UBE2E2: variants seen among roughly 807,000 people sequenced by gnomAD.
The protein encoded by UBE2E2 is ubiquitin conjugating enzyme E2 E2, also known as ubiquitin-conjugating enzyme E2 E2.
In UBE2E2, 6 loss-of-function variants were observed where a neutral mutation model predicts 24.7. That is an observed-to-expected ratio of 0.24 (90% CI 0.13 to 0.48). The LOEUF (loss-of-function observed/expected upper bound fraction) is 0.48. Among genes scored for constraint, UBE2E2 ranks in the 20% least tolerant of loss-of-function variants. The pLI, the probability that UBE2E2 is intolerant of heterozygous loss-of-function variation, is 0.99. For synonymous variants in UBE2E2, 104 were observed against 83.6 expected (o/e 1.24, Z -1.33); for missense variants, 169 against 245.0 (o/e 0.69, Z 2.07).
chr3:23,262,213 C>A (rs1697919915), intron 3 of UBE2E2, among the ~76,000 whole-genome samples: 2 of 152,136 alleles, frequency 1.3e-5, no homozygotes, highest in African/African-American at 4.8e-5. Context: ...TAATGTTGAA[C>A]ATTTTTTTCA....
chr3:23,217,153 C>T (rs566732475), intron 2 of UBE2E2, 109 bp from the exon 3 acceptor site: 2 of 1,064,802 alleles, frequency 1.9e-6, no homozygotes, highest in African/African-American at 1.6e-5. Context: ...ATTAGTATTT[C>T]AAACTAATAT....
chr3:23,403,696 C>T (rs895361234), intron 3 of UBE2E2, among the ~76,000 whole-genome samples: 5 of 151,644 alleles, frequency 3.3e-5, no homozygotes, highest in South Asian at 2.1e-4. Context: ...TGGTGGTGCA[C>T]GCCTGTAGTT....
intron 3 of UBE2E2, among the ~76,000 whole-genome samples, chr3:23,413,920 T>C (rs1697558300): frequency 6.6e-6 from 1 of 152,200 alleles, no homozygotes; most frequent in Admixed American, 6.5e-5. Flanking sequence ...TGCATATATT[T>C]ATCGTTATTA....
intron 3 of UBE2E2, among the ~76,000 whole-genome samples, chr3:23,333,696 ATAG>A (rs1482363440): frequency 2.0e-5 from 3 of 152,286 alleles, no homozygotes; most frequent in East Asian, 3.9e-4. Flanking sequence ...ATTGTTAGTA[ATAG>A]TAGGAGCAGT....
chr3:23,359,580 A>G (rs953131239), intron 3 of UBE2E2, among the ~76,000 whole-genome samples: 4 of 152,204 alleles, frequency 2.6e-5, no homozygotes, highest in South Asian at 2.1e-4. Context: ...TCTTTGATCT[A>G]TTAAAAAAAA....
chr3:23,563,042 T>G (rs1321785576), intron 5 of UBE2E2, among the ~76,000 whole-genome samples: 2 of 152,194 alleles, frequency 1.3e-5, no homozygotes, highest in African/African-American at 4.8e-5. Context: ...ATTGATTTTT[T>G]GAAGGGTTTT....
chr3:23,391,066 A>G (rs1489703050), intron 3 of UBE2E2, among the ~76,000 whole-genome samples: 1 of 152,186 alleles, frequency 6.6e-6, no homozygotes, highest in Non-Finnish European at 1.5e-5. Context: ...GAAACATTTA[A>G]TCCTTAAAAT....
At chr3:23,524,722 A>G (rs561985306) in intron 4 of UBE2E2, among the ~76,000 whole-genome samples, 3 of 152,334 alleles carry the variant, frequency 2.0e-5, no homozygotes, top group Middle Eastern at 6.8e-3. Context: ...TTTAGTCAAC[A>G]TAAAGAATGT....
chr3:23,422,931 A>G (rs1575619280), intron 3 of UBE2E2, among the ~76,000 whole-genome samples: 1 of 152,190 alleles, frequency 6.6e-6, no homozygotes, highest in African/African-American at 2.4e-5. Flanking sequence ...GCTCTTCTCC[A>G]TATCTTCACC....
chr3:23,514,854 T>C (rs1694693694), intron 4 of UBE2E2, among the ~76,000 whole-genome samples: 1 of 152,230 alleles, frequency 6.6e-6, no homozygotes, highest in Admixed American at 6.5e-5. Flanking sequence ...AGTATACTAA[T>C]GAAAAATAAG....
intron 3 of UBE2E2, among the ~76,000 whole-genome samples, chr3:23,492,329 T>C (rs1699517038): frequency 6.6e-6 from 1 of 152,208 alleles, no homozygotes; most frequent in African/African-American, 2.4e-5. Context: ...TAAGCAAGGA[T>C]TGCTAAAGCT....
intron 5 of UBE2E2, among the ~76,000 whole-genome samples, chr3:23,556,065 T>C (rs1695774392): frequency 6.6e-6 from 1 of 151,948 alleles, no homozygotes; most frequent in Non-Finnish European, 1.5e-5. Context: ...GGTATGTTAA[T>C]TTGTTTCACT....
intron 5 of UBE2E2, among the ~76,000 whole-genome samples, chr3:23,565,573 C>T (rs1260959610): frequency 2.7e-5 from 4 of 149,772 alleles, no homozygotes; most frequent in East Asian, 2.0e-4. Context: ...AATCAAAGAC[C>T]TGCTTAGGGA....
intron 3 of UBE2E2, among the ~76,000 whole-genome samples, chr3:23,473,126 A>G (rs1014296491): frequency 8.5e-5 from 13 of 152,082 alleles, no homozygotes; most frequent in Non-Finnish European, 1.9e-4. Context: ...GGAAGAAGAC[A>G]GGGTCTTTAA....
chr3:23,503,882 T>C (rs1694367097), intron 4 of UBE2E2, among the ~76,000 whole-genome samples: 1 of 152,064 alleles, frequency 6.6e-6, no homozygotes. Flanking sequence ...GTAAAATTAC[T>C]CCTCAAAGTG....
intron 3 of UBE2E2, among the ~76,000 whole-genome samples, chr3:23,381,540 C>T (rs752615376): frequency 1.3e-5 from 2 of 152,168 alleles, no homozygotes; most frequent in Non-Finnish European, 2.9e-5. Flanking sequence ...TGTAAGAGCT[C>T]CGCATTATTA....
At chr3:23,535,161 A>G (rs907509113) in intron 5 of UBE2E2, among the ~76,000 whole-genome samples, 3 of 152,210 alleles carry the variant, frequency 2.0e-5, no homozygotes, top group Non-Finnish European at 4.4e-5. Context: ...TTAACTTTCC[A>G]CAGGCTTAGT....
chr3:23,558,872 G>A (rs930954878), intron 5 of UBE2E2, among the ~76,000 whole-genome samples: 4 of 152,092 alleles, frequency 2.6e-5, no homozygotes, highest in African/African-American at 7.2e-5. Context: ...ACCAACCTGG[G>A]CAACATAGCA....
At chr3:23,456,107 A>T (rs1157829116) in intron 3 of UBE2E2, among the ~76,000 whole-genome samples, 4 of 152,234 alleles carry the variant, frequency 2.6e-5, no homozygotes, top group African/African-American at 4.8e-5. Flanking sequence ...TTAAGTAATC[A>T]CTTTCTTTGC....
Sources: gnomAD v4.1 joint callset for allele counts (sites outside exome capture counted in the v4.1 genomes callset) on GRCh38, gnomAD v4.1.1 for gene constraint, MANE v1.5 for transcripts, NCBI Gene and HGNC (gene_info 2026-07-23, HGNC 2026-07-21) for gene names.